CCDC148: variants seen among roughly 807,000 people sequenced by gnomAD.
The protein encoded by CCDC148 is coiled-coil domain-containing protein 148.
In CCDC148, 89 loss-of-function variants were observed where a neutral mutation model predicts 85.7. The ratio of observed to expected loss-of-function variants is 1.04; its 90% CI spans 0.87 to 1.24. The LOEUF (loss-of-function observed/expected upper bound fraction) is 1.24, where lower values mean the gene tolerates loss of function less well. CCDC148 is among the 50% of genes most tolerant of loss of function. The pLI is 0.00. For synonymous variants in CCDC148, 230 were observed against 213.9 expected, an observed-to-expected ratio of 1.08 and a Z score of -0.66; for missense variants, 692 against 671.7, an observed-to-expected ratio of 1.03 and a Z score of -0.33.
chr2:158,287,766 C>T lies in CCDC148; in HGVS notation c.1110+21667G>A, dbSNP rs568157951. Among the ~76,000 whole-genome samples, 8 of 152,294 alleles carry T rather than the reference C, an allele frequency of 5.3e-5. No individual in the cohort carries two copies. The South Asian group carries it at 1.7e-3, about 32-fold the overall frequency. ...AAGGTGCAAGCTGTTGGTTGATCTA[C>T]CATTCTGGGGTCTGCAGGATGATGA... On this transcript the variant is annotated intron_variant, in intron 9 of 13. Coordinates refer to ENST00000283233, the MANE Select transcript of CCDC148 (RefSeq NM_138803.4).
intron 9 of CCDC148, among the ~76,000 whole-genome samples, chr2:158,279,986 A>G (rs1690187892): frequency 6.6e-6 from 1 of 151,708 alleles, no homozygotes; most frequent in Non-Finnish European, 1.5e-5. Flanking sequence ...ATTCTTAAAG[A>G]AAAGAATTTT....
At chr2:158,354,947 C>A (rs1181674990) in intron 2 of CCDC148, among the ~76,000 whole-genome samples, 2 of 151,928 alleles carry the variant, frequency 1.3e-5, no homozygotes, top group Non-Finnish European at 2.9e-5. Context: ...TAAATGTAAT[C>A]CAGCATATAA....
chr2:158,192,504 A>G (rs1178818108), intron 11 of CCDC148, among the ~76,000 whole-genome samples: 1 of 152,038 alleles, frequency 6.6e-6, no homozygotes, highest in Non-Finnish European at 1.5e-5. Flanking sequence ...CTTTTATGAA[A>G]TTTTATTTTA....
chr2:158,332,101 T>A (rs906935618), intron 7 of CCDC148, among the ~76,000 whole-genome samples: 1 of 152,144 alleles, frequency 6.6e-6, no homozygotes, highest in Admixed American at 6.6e-5. Context: ...CTTCCTAGCC[T>A]TGATGGTCTT....
At chr2:158,240,848 G>A (rs1203955143) in intron 10 of CCDC148, among the ~76,000 whole-genome samples, 1 of 152,156 alleles carries the variant, frequency 6.6e-6, no homozygotes, top group African/African-American at 2.4e-5. Context: ...AATAGAAAGA[G>A]AGTTAATAAA....
At chr2:158,202,641 G>A (rs188673792) in intron 11 of CCDC148, among the ~76,000 whole-genome samples, 42 of 152,260 alleles carry the variant, frequency 2.8e-4, no homozygotes, top group Non-Finnish European at 3.2e-4. Flanking sequence ...TGCAGCACAC[G>A]AAAGCAGCCA....
intron 7 of CCDC148, among the ~76,000 whole-genome samples, chr2:158,316,045 T>A (rs73968915): frequency 0.24 from 36,476 of 152,144 alleles, 4,731 homozygotes; most frequent in Middle Eastern, 0.34. Context: ...GGAATCCCTG[T>A]CTCAGCTTTG....
At chr2:158,294,002 CTCCTTCCTTCCT>C (rs1185894027) in intron 9 of CCDC148, among the ~76,000 whole-genome samples, 342 of 15,088 alleles carry the variant, frequency 0.023, 7 homozygotes, top group African/African-American at 0.041. Flanking sequence ...CCCTCCCTCC[CTCCTTCCTTCCT>C]TCCTTCCTTC....
intron 10 of CCDC148, among the ~76,000 whole-genome samples, chr2:158,227,903 A>G (rs1687637127): frequency 1.3e-5 from 2 of 152,310 alleles, no homozygotes; most frequent in Admixed American, 1.3e-4. Flanking sequence ...ATGGGCAAGG[A>G]CTTCATGTCC....
At chr2:158,354,169 T>TCA (rs1227056687) in intron 2 of CCDC148, among the ~76,000 whole-genome samples, 4 of 151,414 alleles carry the variant, frequency 2.6e-5, no homozygotes, top group African/African-American at 9.7e-5. Flanking sequence ...TTAAAAGAAC[T>TCA]AGAAAAGCAA....
At chr2:158,401,912 C>T (rs544957641) in intron 1 of CCDC148, among the ~76,000 whole-genome samples, 1 of 151,850 alleles carries the variant, frequency 6.6e-6, no homozygotes, top group Admixed American at 6.6e-5. Context: ...GCTACAGAAC[C>T]AAAGAATAGA....
chr2:158,271,592 G>A (rs752289181), intron 9 of CCDC148, among the ~76,000 whole-genome samples: 1 of 152,072 alleles, frequency 6.6e-6, no homozygotes, highest in Non-Finnish European at 1.5e-5. Flanking sequence ...TTTTGAGAGT[G>A]AGAGACCACG....
chr2:158,330,469 C>T (rs927146142), intron 7 of CCDC148, among the ~76,000 whole-genome samples: 1 of 152,004 alleles, frequency 6.6e-6, no homozygotes, highest in South Asian at 2.1e-4. Flanking sequence ...CTAAAATTTT[C>T]TTTTTTTGTT....
At chr2:158,446,306 C>T (rs1339905568) in intron 1 of CCDC148, among the ~76,000 whole-genome samples, 1 of 151,720 alleles carries the variant, frequency 6.6e-6, no homozygotes. Context: ...GAACTATGGT[C>T]ACACCACAGC....
intron 11 of CCDC148, among the ~76,000 whole-genome samples, chr2:158,212,113 A>T (rs1360355571): frequency 6.6e-6 from 1 of 152,164 alleles, no homozygotes; most frequent in Non-Finnish European, 1.5e-5. Context: ...TAATATACAT[A>T]TAAAATACAA....
In CCDC148 at chr2:158,176,260, A is replaced by T. The variant is rs189580827; in HGVS notation, c.1629+261T>A. Among the ~76,000 whole-genome samples the T allele has an allele frequency of 8.4e-3, 1,275 of 152,146 alleles. 17 individuals are homozygous for T. The highest frequency in any genetic ancestry group is 0.029 in the African/African-American group (1,203 of 41,546). Reference sequence around the variant, plus strand: ...AAATAAAATTTTATAAAGCATTTTTAAAAAAATTTAAAAAATAAGCTTCAA... The same window carrying T: ...AAATAAAATTTTATAAAGCATTTTTTAAAAAATTTAAAAAATAAGCTTCAA... On this transcript the variant is annotated intron_variant, in intron 13 of 13. Coordinates refer to ENST00000283233, the MANE Select transcript of CCDC148 (RefSeq NM_138803.4).
chr2:158,283,671 G>A (rs1382938476), intron 9 of CCDC148, among the ~76,000 whole-genome samples: 8 of 151,924 alleles, frequency 5.3e-5, no homozygotes, highest in Non-Finnish European at 8.8e-5. Context: ...CTTTTACACT[G>A]TTGGTGGGAC....
chr2:158,278,025 C>T (rs938173609), intron 9 of CCDC148, among the ~76,000 whole-genome samples: 1 of 152,162 alleles, frequency 6.6e-6, no homozygotes, highest in Non-Finnish European at 1.5e-5. Flanking sequence ...GTTTGGTAAA[C>T]CTCAGTCATT....
At chr2:158,322,928 C>T (rs75642364) in intron 7 of CCDC148, among the ~76,000 whole-genome samples, 2,590 of 152,044 alleles carry the variant, frequency 0.017, 79 homozygotes, top group African/African-American at 0.059. Context: ...TAGCTTTTTC[C>T]ACATATTGAC....
Sources: gnomAD v4.1 joint callset for allele counts (sites outside exome capture counted in the v4.1 genomes callset) on GRCh38, gnomAD v4.1.1 for gene constraint, MANE v1.5 for transcripts, NCBI Gene and HGNC (gene_info 2026-07-23, HGNC 2026-07-21) for gene names.